Variants in PDGFD observed in about 807,000 individuals in gnomAD.
PDGFD encodes the protein platelet-derived growth factor D.
Under a neutral mutation model 44.7 loss-of-function variants are expected in PDGFD, and 30 were observed. That is an observed-to-expected ratio of 0.67 (90% CI 0.50 to 0.91). The LOEUF (loss-of-function observed/expected upper bound fraction) is 0.91, where lower values mean the gene tolerates loss of function less well. Ranked by LOEUF, PDGFD falls within the 40% of genes least tolerant of loss-of-function variation. The pLI is 0.00. For synonymous variants in PDGFD, 173 were observed against 168.4 expected, an observed-to-expected ratio of 1.03 and a Z score of -0.21; for missense variants, 445 against 457.8, an observed-to-expected ratio of 0.97 and a Z score of 0.25.
chr11:104,130,816 C>A (rs1488033762), intron 1 of PDGFD, among the ~76,000 whole-genome samples: 1 of 152,126 alleles, frequency 6.6e-6, no homozygotes, highest in Non-Finnish European at 1.5e-5. Context: ...ATGTTTTATT[C>A]TTTTTACAGA....
At chr11:103,995,494 C>T (rs1317297034) in intron 3 of PDGFD, among the ~76,000 whole-genome samples, 1 of 152,150 alleles carries the variant, frequency 6.6e-6, no homozygotes, top group Non-Finnish European at 1.5e-5. Flanking sequence ...GAAAAGGCTA[C>T]AAATAAGCAT....
chr11:104,063,732 C>T (rs533719002), intron 1 of PDGFD, among the ~76,000 whole-genome samples: 301 of 152,204 alleles, frequency 2.0e-3, no homozygotes, highest in African/African-American at 6.9e-3. Context: ...GGGGAGGTGC[C>T]ACACTTTTAA....
At chr11:103,960,792 G>A (rs1018982928) in intron 3 of PDGFD, among the ~76,000 whole-genome samples, 1 of 152,170 alleles carries the variant, frequency 6.6e-6, no homozygotes, top group African/African-American at 2.4e-5. Flanking sequence ...CAAGACCGGA[G>A]TGCTGACATG....
intron 1 of PDGFD, among the ~76,000 whole-genome samples, chr11:104,002,345 G>A (rs1859632664): frequency 6.6e-6 from 1 of 152,130 alleles, no homozygotes; most frequent in Non-Finnish European, 1.5e-5. Flanking sequence ...AGATCATGGG[G>A]TGGTTCCCCC....
At chr11:103,956,598 A>G (rs12276361) in intron 3 of PDGFD, among the ~76,000 whole-genome samples, 1 of 152,000 alleles carries the variant, frequency 6.6e-6, no homozygotes, top group East Asian at 1.9e-4. Flanking sequence ...GGCTGGGTCA[A>G]ATGGTATTTC....
intron 3 of PDGFD, among the ~76,000 whole-genome samples, chr11:103,985,102 A>AATTTATTTAATAGTTAT (rs1859340155): frequency 1.1e-5 from 1 of 89,968 alleles, no homozygotes; most frequent in African/African-American, 4.7e-5. Context: ...ATTATATATT[A>AATTTATTTAATAGTTAT]ATTTATTTAA....
chr11:103,953,159 G>A (rs550368291), intron 3 of PDGFD, among the ~76,000 whole-genome samples: 1 of 148,252 alleles, frequency 6.7e-6, no homozygotes, highest in Non-Finnish European at 1.5e-5. Context: ...TACAAGATGT[G>A]TACATACAAG....
At chr11:103,930,237 C>G (rs7949402) in intron 5 of PDGFD, among the ~76,000 whole-genome samples, 14,571 of 152,206 alleles carry the variant, frequency 0.096, 2,002 homozygotes, top group African/African-American at 0.29. Flanking sequence ...GGGTGCTGCA[C>G]AGTGCACAGG....
Position 104,163,879 on chromosome 11 carries a change from T to C in PDGFD, c.49A>G (p.Ser17Gly). 6.3e-7 allele frequency: 1 copy of C among 1,577,618 alleles called. No homozygotes were observed. The highest frequency in any genetic ancestry group is 8.7e-7 in the Non-Finnish European group (1 of 1,153,198). ...VYTLICANFC[S>G]CRDTSATPQS... ...GGGGTTGCAGAAGTGTCCCGACAGC[T>C]GCAAAAGTTTGCGCAGATTAGAGTG... The change falls in exon 1 of 7, where the codon AGC becomes GGC. Residue 17 changes from serine to glycine, a missense_variant. Transcript: ENST00000393158.
intron 1 of PDGFD, among the ~76,000 whole-genome samples, chr11:104,084,019 G>A (rs1241972319): frequency 6.6e-6 from 1 of 152,204 alleles, no homozygotes; most frequent in Non-Finnish European, 1.5e-5. Flanking sequence ...TAGATTTAAA[G>A]TTGCCTGTGA....
At chr11:104,148,069 T>C (rs1428627690) in intron 1 of PDGFD, among the ~76,000 whole-genome samples, 1 of 152,192 alleles carries the variant, frequency 6.6e-6, no homozygotes, top group Admixed American at 6.5e-5. Context: ...ATCAGAAATT[T>C]TGCACCTGGC....
intron 1 of PDGFD, among the ~76,000 whole-genome samples, chr11:104,111,451 TC>T (rs1017958784): frequency 6.6e-6 from 1 of 151,130 alleles, no homozygotes; most frequent in African/African-American, 2.4e-5. Context: ...AGGGACAGGG[TC>T]CTGCCATGTT....
chr11:103,927,317 C>T (rs1858334354), intron 5 of PDGFD, among the ~76,000 whole-genome samples, 191 bp from the exon 6 acceptor site: 1 of 152,140 alleles, frequency 6.6e-6, no homozygotes, highest in African/African-American at 2.4e-5. Context: ...CCCATCTACC[C>T]TTTGAAAATA....
intron 3 of PDGFD, among the ~76,000 whole-genome samples, chr11:103,978,681 T>C (rs1485785767): frequency 6.6e-6 from 1 of 152,180 alleles, no homozygotes; most frequent in Non-Finnish European, 1.5e-5. Flanking sequence ...ACAAAGTGTT[T>C]TAGAAATGTT....
At chr11:104,145,329 ATTAT>A (rs1862147493) in intron 1 of PDGFD, among the ~76,000 whole-genome samples, 1 of 152,226 alleles carries the variant, frequency 6.6e-6, no homozygotes, top group Non-Finnish European at 1.5e-5. Flanking sequence ...TCTTTAATAC[ATTAT>A]TTGTTTACTT....
rs1355656979 is a variant in PDGFD, at chr11:104,047,441, C to G, written c.125-47186G>C. Among the ~76,000 whole-genome samples the G allele has an allele frequency of 1.4e-5, 2 of 147,076 alleles. 1 individual carries two copies. The highest frequency in any genetic ancestry group is 3.0e-5 in the Non-Finnish European group (2 of 65,916). On this transcript the variant is annotated intron_variant, in intron 1 of 6. Coordinates refer to ENST00000393158, the MANE Select transcript of PDGFD (RefSeq NM_025208.5). ...TTTTAATGATTGCCATTCTAACTGG[C>G]ATGAGATGGTAACTCATTGTGGTTT...
At chr11:103,989,018 C>G (rs652446) in intron 3 of PDGFD, among the ~76,000 whole-genome samples, 2 of 151,656 alleles carry the variant, frequency 1.3e-5, no homozygotes, top group Non-Finnish European at 2.9e-5. Flanking sequence ...TACTATTATT[C>G]ATCTTATTAT....
chr11:103,958,051 T>TA (rs949745797), intron 3 of PDGFD, among the ~76,000 whole-genome samples: 234 of 146,304 alleles, frequency 1.6e-3, no homozygotes, highest in Middle Eastern at 0.01. Flanking sequence ...TGTTTAGCAT[T>TA]AAAAAAAAAA....
intron 1 of PDGFD, among the ~76,000 whole-genome samples, chr11:104,011,888 C>A (rs1052060379): frequency 2.0e-5 from 3 of 151,894 alleles, no homozygotes; most frequent in African/African-American, 7.3e-5. Flanking sequence ...TTTATGGGAC[C>A]AAAGCTGGGA....
Sources: gnomAD v4.1 joint callset for allele counts (sites outside exome capture counted in the v4.1 genomes callset) on GRCh38, gnomAD v4.1.1 for gene constraint, MANE v1.5 for transcripts, NCBI Gene and HGNC (gene_info 2026-07-23, HGNC 2026-07-21) for gene names.